Variants in DYNC1I1 observed in about 807,000 individuals in gnomAD.
DYNC1I1 encodes the protein cytoplasmic dynein 1 intermediate chain 1.
Under a neutral mutation model 86.6 loss-of-function variants are expected in DYNC1I1, and 43 were observed. The ratio of observed to expected loss-of-function variants is 0.50; its 90% CI spans 0.39 to 0.64. The LOEUF (loss-of-function observed/expected upper bound fraction) is 0.64, where lower values mean the gene tolerates loss of function less well. Among genes scored for constraint, DYNC1I1 ranks in the 30% least tolerant of loss-of-function variants. DYNC1I1 has a pLI of 0.00. For synonymous variants in DYNC1I1, 262 were observed against 283.7 expected (o/e 0.92, Z 0.77); for missense variants, 604 against 788.8 (o/e 0.77, Z 2.81).
intron 9 of DYNC1I1, among the ~76,000 whole-genome samples, chr7:95,994,628 A>G (rs12704829): frequency 0.24 from 36,138 of 152,076 alleles, 5,222 homozygotes; most frequent in African/African-American, 0.4. Context: ...GGAAGGTTGT[A>G]GGAGAGTAAG....
At chr7:95,945,391 T>C (rs1015439013) in intron 6 of DYNC1I1, among the ~76,000 whole-genome samples, 1 of 152,190 alleles carries the variant, frequency 6.6e-6, no homozygotes, top group Non-Finnish European at 1.5e-5. Context: ...CTATCTCTGC[T>C]CAAGATTCCC....
In DYNC1I1 at chr7:95,965,320, C is replaced by T. The variant is rs148525860; in HGVS notation, c.491-12192C>T. ...CCCATTAATATATCTTCATCCTTCA[C>T]AGCCTAGTTCAGGCAGTCTGGCACC... On this transcript the variant is annotated intron_variant, in intron 6 of 16. Coordinates refer to ENST00000447467, the MANE Select transcript of DYNC1I1 (RefSeq NM_001135556.2). Among the ~76,000 whole-genome samples the T allele has an allele frequency of 6.0e-3, 909 of 152,286 alleles. 4 individuals carry two copies. Among genetic ancestry groups the T allele is most frequent in the Non-Finnish European group, 9.1e-3 (616 of 68,012 alleles).
chr7:95,796,049 A>C (rs972183802), intron 1 of DYNC1I1, among the ~76,000 whole-genome samples: 4 of 140,934 alleles, frequency 2.8e-5, no homozygotes, highest in Non-Finnish European at 5.9e-5. Flanking sequence ...AATTAAGACC[A>C]AAAAAAAAGC....
At chr7:95,822,684 C>T (rs1378475101) in intron 4 of DYNC1I1, among the ~76,000 whole-genome samples, 1 of 152,112 alleles carries the variant, frequency 6.6e-6, no homozygotes, top group Non-Finnish European at 1.5e-5. Flanking sequence ...GATCAGAGAT[C>T]CCACCTAGAC....
chr7:96,070,440 C>T (rs1344984351), intron 14 of DYNC1I1, among the ~76,000 whole-genome samples: 9 of 152,182 alleles, frequency 5.9e-5, no homozygotes, highest in Non-Finnish European at 1.2e-4. Flanking sequence ...AACTACTTCA[C>T]AGGAACCCAC....
intron 6 of DYNC1I1, among the ~76,000 whole-genome samples, chr7:95,895,384 T>C (rs548564380): frequency 2.6e-5 from 4 of 152,330 alleles, no homozygotes; most frequent in Middle Eastern, 3.4e-3. Flanking sequence ...AACCATAGAA[T>C]GGTCCATGTT....
At chr7:96,050,040 A>G (rs77755153) in intron 14 of DYNC1I1, among the ~76,000 whole-genome samples, 1 of 130,124 alleles carries the variant, frequency 7.7e-6, no homozygotes, top group African/African-American at 2.6e-5. Context: ...CAAACAAACA[A>G]AAAAAAAAAC....
At chr7:95,787,736 CAAAA>C (rs776037412) in intron 1 of DYNC1I1, among the ~76,000 whole-genome samples, 1 of 151,926 alleles carries the variant, frequency 6.6e-6, no homozygotes, top group Admixed American at 6.6e-5. Context: ...AGACAAACAA[CAAAA>C]AATACTGAAA....
At chr7:96,080,799 C>T (rs550285811) in intron 16 of DYNC1I1, among the ~76,000 whole-genome samples, 11 of 152,114 alleles carry the variant, frequency 7.2e-5, no homozygotes, top group East Asian at 3.9e-4. Context: ...AGGCTGGGTG[C>T]GGTGCCTCAC....
chr7:95,986,758 C>T (rs147335309), intron 8 of DYNC1I1, among the ~76,000 whole-genome samples: 71 of 151,926 alleles, frequency 4.7e-4, no homozygotes, highest in African/African-American at 5.8e-4. Context: ...GGGAGAGGCT[C>T]TGGCCTGAAC....
intron 5 of DYNC1I1, among the ~76,000 whole-genome samples, chr7:95,833,647 G>A (rs1016626571): frequency 2.2e-3 from 332 of 150,288 alleles, no homozygotes; most frequent in African/African-American, 7.6e-3. Flanking sequence ...TTATTTCATT[G>A]AGCAGTGGTT....
chr7:96,047,595 G>C (rs539578592), intron 14 of DYNC1I1, among the ~76,000 whole-genome samples: 2 of 152,326 alleles, frequency 1.3e-5, no homozygotes, highest in African/African-American at 4.8e-5. Context: ...GACAGATTGT[G>C]AGTGGTTGCA....
At chr7:95,876,637 A>T (rs151271265) in intron 6 of DYNC1I1, among the ~76,000 whole-genome samples, 2 of 152,356 alleles carry the variant, frequency 1.3e-5, no homozygotes, top group Admixed American at 6.5e-5. Flanking sequence ...CCCGCTACAC[A>T]CAAAAATTAT....
At chr7:95,974,343 G>T (rs542738386) in intron 6 of DYNC1I1, among the ~76,000 whole-genome samples, 1 of 152,158 alleles carries the variant, frequency 6.6e-6, no homozygotes. Flanking sequence ...GTCAATATTT[G>T]TTAGACTCTA....
At chr7:95,796,443 T>G (rs1584231444) in intron 1 of DYNC1I1, among the ~76,000 whole-genome samples, 1 of 152,286 alleles carries the variant, frequency 6.6e-6, no homozygotes, top group Non-Finnish European at 1.5e-5. Flanking sequence ...CCCGAGTAGC[T>G]GGGATTACAG....
intron 6 of DYNC1I1, among the ~76,000 whole-genome samples, chr7:95,915,796 T>A (rs530404147): frequency 2.0e-5 from 3 of 152,254 alleles, no homozygotes; most frequent in East Asian, 1.9e-4. Context: ...ACAAAAAAAA[T>A]TTTAGTTGTT....
chr7:96,041,389 T>C (rs1236334010), intron 14 of DYNC1I1, among the ~76,000 whole-genome samples: 2 of 152,180 alleles, frequency 1.3e-5, no homozygotes, highest in Admixed American at 1.3e-4. Flanking sequence ...GCAAAATGGC[T>C]CAACACTGTG....
intron 6 of DYNC1I1, among the ~76,000 whole-genome samples, chr7:95,903,975 G>C (rs1313999687): frequency 6.6e-6 from 1 of 152,192 alleles, no homozygotes; most frequent in Admixed American, 6.5e-5. Context: ...ACAGGTGGGT[G>C]GAGAGGAGCA....
At position 95,835,504 on chromosome 7, in the gene DYNC1I1, T is replaced by A. The variant is rs548503170; in HGVS notation, c.374+7388T>A. 2.0e-5 allele frequency among the ~76,000 whole-genome samples: 3 copies of A among 151,692 alleles called. No homozygotes were observed. The East Asian group carries it at 5.9e-4, about 30-fold the overall frequency. On this transcript the variant is annotated intron_variant, in intron 5 of 16. Transcript: ENST00000447467. ...CTATTAGGTCTGCTTGGTGCAGAGC[T>A]GAGTTCAATTCCTGGGTACCCTTGT...
Sources: allele counts gnomAD v4.1 joint callset (sites outside exome capture counted in the v4.1 genomes callset), GRCh38; gene constraint gnomAD v4.1.1; transcripts MANE v1.5; gene names NCBI Gene and HGNC (gene_info 2026-07-23, HGNC 2026-07-21).